The following RGSL1 variants were observed in gnomAD, a reference collection of about 807,000 sequenced individuals.
RGSL1 encodes the protein regulator of G protein signaling protein-like.
A neutral mutation model predicts 124.7 loss-of-function variants in RGSL1; 97 were observed. The observed-to-expected ratio is 0.78, with a 90% confidence interval of 0.66 to 0.92. The LOEUF (loss-of-function observed/expected upper bound fraction) is 0.92. Among genes scored for constraint, RGSL1 ranks in the 40% least tolerant of loss-of-function variants. RGSL1 has a pLI of 0.00. For synonymous variants in RGSL1, 424 were observed against 438.1 expected (o/e 0.97, Z 0.40); for missense variants, 1,233 against 1,288.4 (o/e 0.96, Z 0.66).
At chr1:182,464,718 T>TC (rs1653135674) in intron 4 of RGSL1, among the ~76,000 whole-genome samples, 1 of 149,112 alleles carries the variant, frequency 6.7e-6, no homozygotes, top group African/African-American at 2.5e-5. Flanking sequence ...AGCAAGACTC[T>TC]GCTCAGAAGA....
chr1:182,554,201 C>G (rs1344716217), intron 19 of RGSL1, among the ~76,000 whole-genome samples: 1 of 152,214 alleles, frequency 6.6e-6, no homozygotes, highest in East Asian at 1.9e-4. Flanking sequence ...CTGCTTCTCA[C>G]AGGCATGAAA....
chr1:182,492,820 A>G (rs534303417), intron 8 of RGSL1: 8 of 518,652 alleles, frequency 1.5e-5, no homozygotes, highest in South Asian at 1.2e-4. Flanking sequence ...TAGTAGAGAC[A>G]GGGTTTCACC....
chr1:182,453,434 G>A (rs1289010295), intron 1 of RGSL1: 1 of 153,590 alleles, frequency 6.5e-6, no homozygotes, highest in African/African-American at 2.4e-5. Flanking sequence ...TCTGCTCTGG[G>A]AAGCATTTGA....
At chr1:182,449,419 A>T (rs1212953512), upstream of RGSL1, 1 of 152,158 alleles carries the variant, frequency 6.6e-6, no homozygotes, top group Non-Finnish European at 1.5e-5. Context: ...CAATCCCAAG[A>T]CTTAAAAGCC....
chr1:182,472,715 T>C, intron 5 of RGSL1, 158 bp downstream of exon 5: 5 of 681,612 alleles, frequency 7.3e-6, no homozygotes, highest in Non-Finnish European at 1.1e-5. Context: ...ACCAGGAAAG[T>C]ATTGAAAGAC....
Position 182,532,541 on chromosome 1 carries a change from T to A in RGSL1, c.2365-121T>A, listed in dbSNP as rs574827674. 30 of 865,306 alleles carry A rather than the reference T, an allele frequency of 3.5e-5. No individual in the cohort carries two copies. In the East Asian group the frequency reaches 8.8e-4, roughly 25 times the overall value. 53.6% of individuals were successfully genotyped at this position (865,306 alleles called of 1,614,324 possible). A position where few individuals can be genotyped will look rare whatever the true frequency, so the allele number is the denominator to read the frequency against. On this transcript the variant is annotated intron_variant, in intron 13 of 21. Transcript: ENST00000294854. ...ACCTTTAAATTGGAGCTAAAAATTA[T>A]TCCTTTACGGAGGTGTTGTGAGGAT...
At chr1:182,501,270 T>C (rs1041442664) in intron 9 of RGSL1, among the ~76,000 whole-genome samples, 40 of 148,814 alleles carry the variant, frequency 2.7e-4, no homozygotes, top group African/African-American at 9.6e-4. Context: ...CTTTCTCTCT[T>C]TCTTTCTTTT....
At chr1:182,525,879 A>G (rs1208025105) in intron 10 of RGSL1, among the ~76,000 whole-genome samples, 1 of 152,112 alleles carries the variant, frequency 6.6e-6, no homozygotes, top group Non-Finnish European at 1.5e-5. Context: ...AAGATGACAC[A>G]GATAATTAAA....
chr1:182,488,996 T>A lies in RGSL1; in HGVS notation c.1511T>A (p.Ile504Asn), dbSNP rs1446041699. ...FLLFTTQNRF[I>N]SSRQHKREFI... ...TTCTCTTAGACACAGAACAGGTTCA[T>A]CAGCTCCAGACAGCATAAAAGAGAA... The change falls in exon 8 of 22, where the codon ATC becomes AAC. Residue 504 changes from isoleucine (I) to asparagine (N), a missense_variant. Ile to Asn is a moderately radical substitution (Grantham distance 149). Transcript: ENST00000294854. The A allele has an allele frequency of 1.9e-6, 3 of 1,550,694 alleles. No homozygotes were observed. The highest frequency in any genetic ancestry group is 2.6e-6 in the Non-Finnish European group (3 of 1,146,980).
Position 182,555,676 on chromosome 1 carries a change from G to T in RGSL1, c.3198-348G>T, listed in dbSNP as rs142917832. On this transcript the variant is annotated intron_variant, in intron 20 of 21. Coordinates refer to ENST00000294854, the MANE Select transcript of RGSL1 (RefSeq NM_001137669.2). ...GTAGACAGCAGCCTCTGAATGACAG[G>T]CTTGGTGTCCTTGCCAGCCAAGTCA... 1.4e-3 allele frequency: 383 copies of T among 277,448 alleles called. 1 individual carries two copies. Among genetic ancestry groups the T allele is most frequent in the African/African-American group, 7.1e-3 (319 of 45,054 alleles). The allele number at this position is 277,448 out of a possible 1,614,324, so 17.2% of individuals were successfully genotyped here.
intron 1 of RGSL1, among the ~76,000 whole-genome samples, chr1:182,451,939 A>G (rs193092076): frequency 6.8e-4 from 104 of 152,068 alleles, no homozygotes; most frequent in African/African-American, 2.4e-3. Flanking sequence ...ATACAGCATG[A>G]TCCCCCATTG....
intron 9 of RGSL1, among the ~76,000 whole-genome samples, chr1:182,518,082 C>T (rs1379400371): frequency 1.3e-5 from 2 of 152,044 alleles, no homozygotes; most frequent in Non-Finnish European, 2.9e-5. Context: ...CTCTGTCACC[C>T]AGACTAGAAT....
chr1:182,457,355 GC>G (rs1652428714), intron 2 of RGSL1, among the ~76,000 whole-genome samples: 2 of 152,140 alleles, frequency 1.3e-5, no homozygotes, highest in African/African-American at 4.8e-5. Flanking sequence ...CAGTCCTACT[GC>G]CACTCCTTAA....
intron 14 of RGSL1, among the ~76,000 whole-genome samples, chr1:182,533,111 A>G (rs1659297336): frequency 6.6e-6 from 1 of 152,166 alleles, no homozygotes; most frequent in African/African-American, 2.4e-5. Context: ...CTTATAAATT[A>G]ATACATGCTG....
intron 2 of RGSL1, among the ~76,000 whole-genome samples, chr1:182,455,915 G>C (rs1432833740): frequency 1.3e-5 from 2 of 152,198 alleles, no homozygotes; most frequent in Admixed American, 6.5e-5. Flanking sequence ...TTTCATCCGA[G>C]AAAACTACTC....
chr1:182,456,321 G>A (rs1028804092), intron 2 of RGSL1, among the ~76,000 whole-genome samples: 1 of 147,692 alleles, frequency 6.8e-6, no homozygotes, highest in Non-Finnish European at 1.5e-5. Context: ...TTTTGAGACA[G>A]ATTTTGCTCT....
chr1:182,488,460 G>A (rs1571551854), intron 7 of RGSL1, 113 bp downstream of exon 7: 1 of 1,072,780 alleles, frequency 9.3e-7, no homozygotes, highest in Non-Finnish European at 1.4e-6. Flanking sequence ...ATTTTTCCTA[G>A]AGTCAACCAA....
At chr1:182,528,859 A>T (rs1423019848) in intron 11 of RGSL1, among the ~76,000 whole-genome samples, 1 of 152,234 alleles carries the variant, frequency 6.6e-6, no homozygotes, top group African/African-American at 2.4e-5. Flanking sequence ...GCACAGTTCC[A>T]CATGACTGGG....
chr1:182,548,513 G>T, intron 16 of RGSL1, 58 bp downstream of exon 16: 1 of 1,544,814 alleles, frequency 6.5e-7, no homozygotes, highest in Non-Finnish European at 8.7e-7. Flanking sequence ...CCCCCACAAG[G>T]ACAATTAGAA....
Sources: allele counts gnomAD v4.1 joint callset (sites outside exome capture counted in the v4.1 genomes callset), GRCh38; gene constraint gnomAD v4.1.1; transcripts MANE v1.5; gene names NCBI Gene and HGNC (gene_info 2026-07-23, HGNC 2026-07-21).